UBE4B: variants seen among roughly 807,000 people sequenced by gnomAD.
UBE4B encodes ubiquitination factor E4B, also known as ubiquitin conjugation factor E4 B.
In UBE4B, 27 loss-of-function variants were observed where a neutral mutation model predicts 148.1. The observed-to-expected ratio is 0.18, with a 90% confidence interval of 0.13 to 0.25. The LOEUF is 0.25. Among genes scored for constraint, UBE4B ranks in the 10% least tolerant of loss-of-function variants. The pLI is 1.00. For synonymous variants in UBE4B, 596 were observed against 619.3 expected, an observed-to-expected ratio of 0.96 and a Z score of 0.56; for missense variants, 1,170 against 1,662.4, an observed-to-expected ratio of 0.70 and a Z score of 5.15.
chr1:10,160,855 ATTGC>A (rs1646148583), intron 22 of UBE4B, among the ~76,000 whole-genome samples: 1 of 152,226 alleles, frequency 6.6e-6, no homozygotes, highest in Non-Finnish European at 1.5e-5. Context: ...AGGCAGGAAG[ATTGC>A]TTGAGCCCTG....
At chr1:10,152,102 GA>G (rs1321076852) in intron 21 of UBE4B, among the ~76,000 whole-genome samples, 1 of 149,714 alleles carries the variant, frequency 6.7e-6, no homozygotes, top group African/African-American at 2.4e-5. Flanking sequence ...ACTAAAAATA[GA>G]AAAAAAAATT....
chr1:10,062,937 CAA>C (rs1013224913), intron 1 of UBE4B, among the ~76,000 whole-genome samples: 24 of 131,058 alleles, frequency 1.8e-4, no homozygotes, highest in East Asian at 2.3e-4. Flanking sequence ...GCCTGGGAAA[CAA>C]GAGTGAAACT....
At chr1:10,042,822 A>G (rs1643822192) in intron 1 of UBE4B, among the ~76,000 whole-genome samples, 1 of 152,056 alleles carries the variant, frequency 6.6e-6, no homozygotes, top group Admixed American at 6.6e-5. Flanking sequence ...GGTCTTGAAA[A>G]GAATTTCAGG....
intron 1 of UBE4B, among the ~76,000 whole-genome samples, chr1:10,068,964 T>C (rs1051377603): frequency 1.3e-5 from 2 of 152,254 alleles, no homozygotes; most frequent in African/African-American, 4.8e-5. Context: ...CTCCTACTCC[T>C]TCTGTCATGT....
intron 25 of UBE4B, among the ~76,000 whole-genome samples, chr1:10,178,131 GA>G (rs1486642721): frequency 6.6e-6 from 1 of 152,150 alleles, no homozygotes; most frequent in Non-Finnish European, 1.5e-5. Flanking sequence ...TGAGCTTGAA[GA>G]AGCTTGAAAG....
intron 1 of UBE4B, among the ~76,000 whole-genome samples, chr1:10,063,195 G>C (rs1253553427): frequency 1.6e-4 from 25 of 152,268 alleles, no homozygotes; most frequent in Non-Finnish European, 5.9e-5. Context: ...TTGAACCCAG[G>C]AGGCAGAGGT....
chr1:10,080,764 T>C (rs1212351913), intron 2 of UBE4B, among the ~76,000 whole-genome samples: 3 of 152,198 alleles, frequency 2.0e-5, no homozygotes, highest in African/African-American at 4.8e-5. Context: ...TGTGGCAACA[T>C]GGATGAACTT....
intron 1 of UBE4B, among the ~76,000 whole-genome samples, chr1:10,036,731 CT>C (rs1430306064): frequency 6.6e-6 from 1 of 152,028 alleles, no homozygotes; most frequent in Non-Finnish European, 1.5e-5. Flanking sequence ...TGTATTGTTA[CT>C]CTGTAGTTGA....
chr1:10,106,583 G>A lies in UBE4B; in HGVS notation c.1196G>A (p.Ser399Asn). The A allele has an allele frequency of 1.3e-6, 2 of 1,547,494 alleles. No homozygotes were observed. The highest frequency in any genetic ancestry group is 4.5e-5 in the East Asian group (2 of 44,436). The change falls in exon 7 of 28, where the codon AGT becomes AAT. Residue 399 changes from serine (S) to asparagine (N), a missense_variant and splice_region_variant. Ser to Asn is a conservative substitution (Grantham distance 46, BLOSUM62 1). This residue lies in a region of UBE4B where 388 missense variants were observed against 536.0 expected (regional missense o/e 0.72). Coordinates refer to ENST00000343090, the MANE Select transcript of UBE4B (RefSeq NM_001105562.3). This position sits in a 1 kb window ranked among gnomAD's most constrained non-coding sequence, Gnocchi z 4.2. ...RRPSSLRISP[S>N]LGASGGASNW... The stretch of plus-strand genomic sequence containing the variant: ...CCCTCCTCCCTGAGGATCTCTCCTA[G>A]GTATTTATCCCACAGGAGAGTTGCA...
chr1:10,101,381 C>T (rs1308396636), intron 4 of UBE4B, among the ~76,000 whole-genome samples, 186 bp downstream of exon 4: 2 of 151,614 alleles, frequency 1.3e-5, no homozygotes, highest in Non-Finnish European at 2.9e-5. Context: ...GTAACTCAGT[C>T]CTTTGATCTG....
chr1:10,087,160 C>T (rs1180271797), intron 2 of UBE4B, among the ~76,000 whole-genome samples: 2 of 151,994 alleles, frequency 1.3e-5, no homozygotes, highest in East Asian at 1.9e-4. Flanking sequence ...TTCATTGGCT[C>T]CTCAAAGTAG....
chr1:10,129,673 A>C (rs1010141449), intron 12 of UBE4B, among the ~76,000 whole-genome samples: 3 of 151,978 alleles, frequency 2.0e-5, no homozygotes, highest in African/African-American at 7.3e-5. Context: ...TTTTCTAAGA[A>C]TCTCACTCTG....
rs1405080309 is a variant in UBE4B, at chr1:10,181,130, A to T, written c.*1174A>T. 1 of 152,406 alleles carries T rather than the reference A, an allele frequency of 6.6e-6. No individual in the cohort carries two copies. The highest frequency in any genetic ancestry group is 1.9e-4 in the East Asian group (1 of 5,192). 9.4% of individuals were successfully genotyped at this position (152,406 alleles called of 1,614,324 possible). On this transcript the variant is annotated 3_prime_UTR_variant, in exon 28 of 28. Coordinates refer to ENST00000343090, the MANE Select transcript of UBE4B (RefSeq NM_001105562.3). ...AAAGTGTTCTGAAGAAATTAAGTCT[A>T]TAAAAAGCATACTTTCTTTTTTCTT... is the stretch of plus-strand genomic sequence containing the variant.
intron 22 of UBE4B, 127 bp downstream of exon 22, chr1:10,158,609 C>T: frequency 8.5e-7 from 1 of 1,183,152 alleles, no homozygotes; most frequent in African/African-American, 1.5e-5. Flanking sequence ...TTTGAGTTTA[C>T]CACAAGATGC....
At chr1:10,045,994 A>G (rs1198149426) in intron 1 of UBE4B, among the ~76,000 whole-genome samples, 2 of 152,226 alleles carry the variant, frequency 1.3e-5, no homozygotes, top group African/African-American at 2.4e-5. Flanking sequence ...CGGGGCTGGT[A>G]TGGCAGCTCT....
intron 9 of UBE4B, among the ~76,000 whole-genome samples, chr1:10,121,405 TTTTA>T (rs1048432809): frequency 6.6e-6 from 1 of 152,008 alleles, no homozygotes; most frequent in Admixed American, 6.6e-5. Flanking sequence ...TCTTTTTTAT[TTTTA>T]TTTATTTATT....
At position 10,102,997 on chromosome 1, in the gene UBE4B, T is replaced by G. The variant is rs753106906; in HGVS notation, c.485T>G (p.Val162Gly). Residue 162 changes from valine to glycine, a missense_variant, in exon 5 of 28, where the codon GTC (valine) becomes GGC (glycine). By Grantham distance (109) the Val-to-Gly change is moderately radical. Coordinates refer to ENST00000343090, the MANE Select transcript of UBE4B (RefSeq NM_001105562.3). ...EVSEEQALQL[V>G]CKIFRVSWKD... The stretch of plus-strand genomic sequence containing the variant: ...TCTGAAGAGCAGGCCTTACAGCTGG[T>G]CTGTAAGATCTTCCGTGTCTCTTGG... The G allele has an allele frequency of 1.2e-6, 2 of 1,613,606 alleles. No individual in the cohort carries two copies. The highest frequency in any genetic ancestry group is 1.7e-6 in the Non-Finnish European group (2 of 1,179,784).
At chr1:10,100,774 G>A (rs532680011) in intron 3 of UBE4B, 11 of 214,394 alleles carry the variant, frequency 5.1e-5, no homozygotes, top group Admixed American at 1.7e-4. Flanking sequence ...GGCTGATCTC[G>A]AACTCCTGAC....
chr1:10,135,672 C>T (rs1645669348), intron 16 of UBE4B, among the ~76,000 whole-genome samples: 1 of 139,956 alleles, frequency 7.1e-6, no homozygotes, highest in Non-Finnish European at 1.5e-5. Context: ...GGAGGCTGAG[C>T]TTGCAGTGAG....
Sources: allele counts gnomAD v4.1 joint callset (sites outside exome capture counted in the v4.1 genomes callset), GRCh38; gene constraint gnomAD v4.1.1; regional missense constraint gnomAD v4.1.1; non-coding constraint Gnocchi (gnomAD v3.1); transcripts MANE v1.5; gene names NCBI Gene and HGNC (gene_info 2026-07-23, HGNC 2026-07-21).